The following FARP1 variants were observed in gnomAD, a reference collection of about 807,000 sequenced individuals.
The protein encoded by FARP1 is FERM, ARH/RhoGEF and pleckstrin domain protein 1.
FARP1 carries 52 observed loss-of-function variants against 128.8 expected under a neutral mutation model. The ratio of observed to expected loss-of-function variants is 0.40; its 90% confidence interval spans 0.32 to 0.51. The LOEUF is 0.51. FARP1 is among the 20% of genes least tolerant of loss of function. FARP1 has a pLI of 0.45. For missense variants in FARP1, 1,333 were observed against 1,367.9 expected (o/e 0.97, Z 0.40); for synonymous variants, 580 against 551.8 (o/e 1.05, Z -0.72).
At chr13:98,369,160 A>G (rs1889223098) in intron 5 of FARP1, among the ~76,000 whole-genome samples, 1 of 152,004 alleles carries the variant, frequency 6.6e-6, no homozygotes, top group Non-Finnish European at 1.5e-5. Flanking sequence ...CCTGACCTCA[A>G]GTGATCCACC....
intron 1 of FARP1, among the ~76,000 whole-genome samples, chr13:98,178,288 C>T (rs1594236367): frequency 1.3e-5 from 2 of 149,392 alleles, no homozygotes; most frequent in Admixed American, 6.8e-5. Context: ...CTCTGCCTCC[C>T]GGGTTCAAGC....
chr13:98,219,471 G>A (rs1881286488), intron 2 of FARP1, among the ~76,000 whole-genome samples: 1 of 151,412 alleles, frequency 6.6e-6, no homozygotes, highest in African/African-American at 2.4e-5. Context: ...TAGTAGCTGG[G>A]ACTACAGGTG....
chr13:98,408,748 C>A (rs1393231108), intron 13 of FARP1, among the ~76,000 whole-genome samples: 1 of 152,196 alleles, frequency 6.6e-6, no homozygotes, highest in Non-Finnish European at 1.5e-5. Context: ...GAAGTGATCA[C>A]ATATGCCTGT....
chr13:98,319,756 T>A lies in FARP1; in HGVS notation c.172-24006T>A, dbSNP rs545879357. Among the ~76,000 whole-genome samples the A allele has an allele frequency of 1.2e-4, 19 of 152,356 alleles. No individual in the cohort carries two copies. The South Asian group carries it at 3.3e-3, about 27-fold the overall frequency. ...ATTGTTTTTATTTTCCTCAAATAAC[T>A]TGGTATAATCTGCCATTCTAGTAGA... is the stretch of plus-strand genomic sequence containing the variant. On this transcript the variant is annotated intron_variant, in intron 2 of 26. Transcript: ENST00000319562.
At chr13:98,193,245 A>G (rs1324005600) in intron 1 of FARP1, among the ~76,000 whole-genome samples, 1 of 152,118 alleles carries the variant, frequency 6.6e-6, no homozygotes, top group Non-Finnish European at 1.5e-5. Flanking sequence ...TTTAGTAGAG[A>G]CAGGGTTTCA....
At chr13:98,229,291 A>G (rs2139396764) in intron 2 of FARP1, among the ~76,000 whole-genome samples, 1 of 152,334 alleles carries the variant, frequency 6.6e-6, no homozygotes, top group African/African-American at 2.4e-5. Flanking sequence ...GTGTTGTAGC[A>G]TTTGGAAACT....
chr13:98,298,457 A>G (rs190367890), intron 2 of FARP1, among the ~76,000 whole-genome samples: 1 of 152,220 alleles, frequency 6.6e-6, no homozygotes, highest in East Asian at 1.9e-4. Flanking sequence ...ATGGGACTGC[A>G]CCCCATGCTT....
At chr13:98,295,044 ATTAC>A (rs1885605167) in intron 2 of FARP1, among the ~76,000 whole-genome samples, 1 of 133,358 alleles carries the variant, frequency 7.5e-6, no homozygotes, top group African/African-American at 2.9e-5. Flanking sequence ...ATATATATAT[ATTAC>A]ACACACACAC....
chr13:98,404,930 T>C (rs1479197775), intron 13 of FARP1: 2 of 152,208 alleles, frequency 1.3e-5, no homozygotes, highest in Non-Finnish European at 2.9e-5. Context: ...TTTCCCCCTT[T>C]ATAGGAAAAA....
In FARP1 at chr13:98,446,784, A is replaced by T. The variant is rs1333929929; in HGVS notation, c.3023A>T (p.Tyr1008Phe). 8 of 1,613,952 alleles carry T rather than the reference A, an allele frequency of 5.0e-6. No homozygotes were observed. The highest frequency in any genetic ancestry group is 1.7e-6 in the Non-Finnish European group (2 of 1,180,020). ...FKLHFKSHVY[Y>F]FRAESEYTFE... is the part of the protein sequence containing the mutation. ...CTGCACTTCAAGTCCCACGTCTACTACTTCAGGGCGGAAAGCGAGTACACG... is the reference window on the plus strand; with the variant it reads ...CTGCACTTCAAGTCCCACGTCTACTTCTTCAGGGCGGAAAGCGAGTACACG... Residue 1008 changes from tyrosine (Y) to phenylalanine (F), a missense_variant, in exon 26 of 27, where the codon TAC (tyrosine) becomes TTC (phenylalanine). By Grantham distance (22) the Tyr-to-Phe change is conservative (BLOSUM62 3). Around this residue, in one of 2 missense-constraint regions of FARP1, gnomAD observed 1,009 missense variants for 969.8 expected, o/e 1.04. Coordinates refer to ENST00000319562, the MANE Select transcript of FARP1 (RefSeq NM_005766.4).
chr13:98,355,031 A>G (rs1054092277), intron 3 of FARP1, among the ~76,000 whole-genome samples: 1 of 152,232 alleles, frequency 6.6e-6, no homozygotes, highest in Non-Finnish European at 1.5e-5. Context: ...GGGGTTAGAT[A>G]AAATATGAAA....
At chr13:98,220,942 T>C (rs1231013487) in intron 2 of FARP1, among the ~76,000 whole-genome samples, 2 of 152,194 alleles carry the variant, frequency 1.3e-5, no homozygotes, top group East Asian at 3.8e-4. Context: ...TGGGCCATGA[T>C]CTGAGAAAAT....
intron 4 of FARP1, among the ~76,000 whole-genome samples, chr13:98,367,052 A>G (rs561673114): frequency 2.0e-5 from 3 of 152,314 alleles, no homozygotes; most frequent in South Asian, 2.1e-4. Context: ...ATGTATTGCT[A>G]TCATTCCAAA....
At chr13:98,446,470 C>T in intron 25 of FARP1, 196 bp from the exon 26 acceptor site, 1 of 622,046 alleles carries the variant, frequency 1.6e-6, no homozygotes. Flanking sequence ...GCTTTATCTA[C>T]AGCTCAGTCC....
intron 5 of FARP1, among the ~76,000 whole-genome samples, chr13:98,374,539 T>G (rs961873255): frequency 1.3e-5 from 2 of 152,214 alleles, no homozygotes; most frequent in African/African-American, 4.8e-5. Context: ...TTTCTTTTCC[T>G]CATGATAGCA....
chr13:98,301,390 A>G (rs562494816), intron 2 of FARP1, among the ~76,000 whole-genome samples: 33 of 152,146 alleles, frequency 2.2e-4, no homozygotes, highest in Non-Finnish European at 4.6e-4. Flanking sequence ...CAGAGCTTCT[A>G]TTGTATGAGG....
chr13:98,174,130 TA>T (rs1361599606), intron 1 of FARP1, among the ~76,000 whole-genome samples: 3 of 152,252 alleles, frequency 2.0e-5, no homozygotes, highest in African/African-American at 7.2e-5. Context: ...AGATTTTGTT[TA>T]CCCACTCTAT....
intron 2 of FARP1, among the ~76,000 whole-genome samples, chr13:98,286,704 A>G (rs1885186695): frequency 6.6e-6 from 1 of 152,150 alleles, no homozygotes; most frequent in African/African-American, 2.4e-5. Flanking sequence ...AGTCCACCCT[A>G]CTAGAGACAA....
chr13:98,278,069 G>GTCGAAATCTGGTGATCTGTTATTTAACA (rs1277742853), intron 2 of FARP1, among the ~76,000 whole-genome samples: 1 of 151,570 alleles, frequency 6.6e-6, no homozygotes, highest in African/African-American at 2.4e-5. Context: ...GTTTTAAATG[G>GTCGAAATCTGGTGATCTGTTATTTAACA]AGCTTAAGGG....
Sources: gnomAD v4.1 joint callset for allele counts (sites outside exome capture counted in the v4.1 genomes callset) on GRCh38, gnomAD v4.1.1 for gene constraint, gnomAD v4.1.1 regional missense constraint, MANE v1.5 for transcripts, NCBI Gene and HGNC (gene_info 2026-07-23, HGNC 2026-07-21) for gene names.